The following SMIM22 variants were observed in gnomAD, a reference collection of about 807,000 sequenced individuals.
SMIM22 encodes small integral membrane protein 22.
In SMIM22, 16 loss-of-function variants were observed where a neutral mutation model predicts 8.4. That is an observed-to-expected ratio of 1.90 (90% confidence interval 1.29 to 2.89). SMIM22 has a LOEUF of 2.89. SMIM22 is among the 30% of genes most tolerant of loss of function. The pLI, the probability that SMIM22 is intolerant of heterozygous loss-of-function variation, is 0.00. For synonymous variants in SMIM22, 67 were observed against 47.6 expected (o/e 1.41, Z -1.68); for missense variants, 159 against 107.5 (o/e 1.48, Z -2.12).
chr16:4,793,616 C>T (rs2082588208), upstream of SMIM22, among the ~76,000 whole-genome samples: 1 of 152,146 alleles, frequency 6.6e-6, no homozygotes, highest in Non-Finnish European at 1.5e-5. Flanking sequence ...GCTGGCCTTC[C>T]GTATCCACAG....
rs2082646611 is a variant in SMIM22, at chr16:4,796,470, C to A, written c.*239C>A. ...CGGTGGCTCACACCTATAATCCCAG[C>A]ACTTTGGGAGGCCGAGGTGGGCGGA... On this transcript the variant is annotated 3_prime_UTR_variant, in exon 4 of 4. Transcript: ENST00000586005. The A allele has an allele frequency of 7.4e-6, 4 of 540,980 alleles. No homozygotes were observed. The highest frequency in any genetic ancestry group is 3.3e-5 in the Admixed American group (1 of 29,852). The allele number at this position is 540,980 out of a possible 1,614,324, so 33.5% of individuals were successfully genotyped here. A position where few individuals can be genotyped will look rare whatever the true frequency, so the allele number is the denominator to read the frequency against.
intron 1 of SMIM22, 67 bp downstream of exon 1, chr16:4,795,516 A>G (rs1052924906): frequency 2.1e-5 from 13 of 615,262 alleles, no homozygotes; most frequent in African/African-American, 1.9e-4. Context: ...GGCTGGGGAG[A>G]AGGTTGTCAG....
chr16:4,793,109 C>CAAAAA (rs3085033), upstream of SMIM22, among the ~76,000 whole-genome samples: 10 of 67,490 alleles, frequency 1.5e-4, no homozygotes, highest in African/African-American at 4.9e-4. Flanking sequence ...AACTCTGTCT[C>CAAAAA]AAAAAAAAAA....
At chr16:4,790,265 C>A (rs750300222) in intron 2 of SMIM22, among the ~76,000 whole-genome samples, 11 of 152,150 alleles carry the variant, frequency 7.2e-5, no homozygotes, top group Non-Finnish European at 1.3e-4. Flanking sequence ...TTCTCTGTTG[C>A]AACTACTATG....
At chr16:4,791,719 A>G (rs775071757), upstream of SMIM22, among the ~76,000 whole-genome samples, 5 of 151,980 alleles carry the variant, frequency 3.3e-5, no homozygotes, top group South Asian at 2.1e-4. Context: ...ACACAGTCTC[A>G]CTCTGTCACC....
In SMIM22 at chr16:4,796,177, G is replaced by T. The variant is rs373684954; in HGVS notation, c.226-13G>T. The stretch of plus-strand genomic sequence containing the variant: ...GAGCGAACCTGCTTGGTCCCGCTGT[G>T]CTTCTCGTGCAGGAAAGACCCAAGG... On this transcript the variant is annotated splice_polypyrimidine_tract_variant and intron_variant, in intron 3 of 3. Transcript: ENST00000586005. 1.3e-6 allele frequency: 2 copies of T among 1,535,916 alleles called. No individual in the cohort carries two copies. The highest frequency in any genetic ancestry group is 1.7e-6 in the Non-Finnish European group (2 of 1,146,888).
chr16:4,791,393 C>T (rs2082548819), upstream of SMIM22, among the ~76,000 whole-genome samples: 1 of 152,202 alleles, frequency 6.6e-6, no homozygotes, highest in Admixed American at 6.5e-5. Context: ...ACAGGGCATT[C>T]AGTGCACGTT....
chr16:4,793,246 A>G (rs777501624), upstream of SMIM22, among the ~76,000 whole-genome samples: 2 of 152,204 alleles, frequency 1.3e-5, no homozygotes, highest in Non-Finnish European at 2.9e-5. Context: ...GGACAAGGCA[A>G]AAGATGGACT....
chr16:4,790,431 T>A (rs2082534229), upstream of SMIM22, among the ~76,000 whole-genome samples: 1 of 152,204 alleles, frequency 6.6e-6, no homozygotes, highest in Non-Finnish European at 1.5e-5. Context: ...GTCCACTACC[T>A]TCTGCCAGTT....
upstream of SMIM22, among the ~76,000 whole-genome samples, chr16:4,793,435 G>A (rs2082584346): frequency 1.3e-5 from 2 of 152,260 alleles, no homozygotes; most frequent in East Asian, 1.9e-4. Context: ...AACTTCTCTA[G>A]GCCTCCGTTT....
At chr16:4,791,212 C>T (rs2082545946), upstream of SMIM22, among the ~76,000 whole-genome samples, 1 of 152,056 alleles carries the variant, frequency 6.6e-6, no homozygotes, top group Admixed American at 6.6e-5. Flanking sequence ...GGGACTGCAC[C>T]ATGTAAGTGC....
intron 1 of SMIM22, 78 bp downstream of exon 1, chr16:4,795,527 G>T (rs2082622367): frequency 7.2e-6 from 5 of 692,564 alleles, no homozygotes; most frequent in African/African-American, 1.8e-5. Flanking sequence ...AGGTTGTCAG[G>T]GTAAGGACCA....
upstream of SMIM22, among the ~76,000 whole-genome samples, chr16:4,792,529 C>G (rs374295472): frequency 6.9e-6 from 1 of 145,844 alleles, no homozygotes; most frequent in South Asian, 2.5e-4. Context: ...CTGCTGGGCG[C>G]GGTGGATCAT....
rs1312844207 is a variant in SMIM22 at position 4,796,210 on chromosome 16, T to C, written c.246T>C (p.Asp82=). The C allele has an allele frequency of 2.1e-5, 33 of 1,535,842 alleles. No individual in the cohort carries two copies. The highest frequency in any genetic ancestry group is 2.8e-5 in the Non-Finnish European group (32 of 1,146,858). ...TGCAGGAAAGACCCAAGGGAGTGGATAACTTGGCCCTGGAACCCTGACCCT... is the reference window on the plus strand; with the variant it reads ...TGCAGGAAAGACCCAAGGGAGTGGACAACTTGGCCCTGGAACCCTGACCCT... The part of the protein sequence containing the change: ...SPWKERPKGV[D]NLALEP Residue 82 remains aspartate (D), a synonymous_variant, in exon 4 of 4, where the codon GAT becomes GAC. Coordinates refer to ENST00000586005, the MANE Select transcript of SMIM22 (RefSeq NM_001253794.2).
At chr16:4,789,593 TG>T (rs1330910963) in intron 2 of SMIM22, among the ~76,000 whole-genome samples, 2 of 152,192 alleles carry the variant, frequency 1.3e-5, no homozygotes, top group Non-Finnish European at 2.9e-5. Flanking sequence ...CCCAAAGTGC[TG>T]GGATTACAGG....
intron 2 of SMIM22, among the ~76,000 whole-genome samples, chr16:4,789,736 G>C (rs2082521299): frequency 6.6e-6 from 1 of 151,952 alleles, no homozygotes; most frequent in Non-Finnish European, 1.5e-5. Context: ...TGAGATTACA[G>C]ACGTGAACCA....
rs1369584546 is a variant in SMIM22 at position 4,795,456 on chromosome 16, G to A, written c.-21+7G>A. The A allele has an allele frequency of 2.1e-6, 1 of 475,708 alleles. No homozygotes were observed. Among genetic ancestry groups the A allele is most frequent in the South Asian group, 2.3e-5 (1 of 42,736 alleles). 29.5% of individuals were successfully genotyped at this position (475,708 alleles called of 1,614,324 possible). A position where few individuals can be genotyped will look rare whatever the true frequency, so the allele number is the denominator to read the frequency against. On this transcript the variant is annotated splice_region_variant and intron_variant, in intron 1 of 3. Coordinates refer to ENST00000586005, the MANE Select transcript of SMIM22 (RefSeq NM_001253794.2). ...AATTGGAGGCTTCTAGGAGGTAGGT[G>A]GGGGCCTGGGGGCTGGGCTGCCAGG... is the stretch of plus-strand genomic sequence containing the variant.
upstream of SMIM22, among the ~76,000 whole-genome samples, chr16:4,791,058 T>C (rs531433398): frequency 7.2e-5 from 11 of 152,324 alleles, no homozygotes; most frequent in East Asian, 7.7e-4. Context: ...GTTTGAGCAG[T>C]AGACGTACCT....
Position 4,796,344 on chromosome 16 carries a change from C to T in SMIM22, c.*113C>T, listed in dbSNP as rs2082644796. The stretch of plus-strand genomic sequence containing the variant: ...GGGTGACGCGGGACTCGCCGCCCCA[C>T]TCAGGTGGCCACCTGGCCTCTCCAA... On this transcript the variant is annotated 3_prime_UTR_variant, in exon 4 of 4. Coordinates refer to ENST00000586005, the MANE Select transcript of SMIM22 (RefSeq NM_001253794.2). 1 of 1,281,826 alleles carries T rather than the reference C, an allele frequency of 7.8e-7. No individual in the cohort carries two copies. The highest frequency in any genetic ancestry group is 1.1e-6 in the Non-Finnish European group (1 of 937,264). The allele number at this position is 1,281,826 out of a possible 1,614,324, so 79.4% of individuals were successfully genotyped here. A position where few individuals can be genotyped will look rare whatever the true frequency, so the allele number is the denominator to read the frequency against.
Sources: allele counts gnomAD v4.1 joint callset (sites outside exome capture counted in the v4.1 genomes callset), GRCh38; gene constraint gnomAD v4.1.1; transcripts MANE v1.5; gene names NCBI Gene and HGNC (gene_info 2026-07-23, HGNC 2026-07-21).